NCALD: variants seen among roughly 807,000 people sequenced by gnomAD.
NCALD encodes neurocalcin-delta.
In NCALD, 10 loss-of-function variants were observed where a neutral mutation model predicts 18.6. That is an observed-to-expected ratio of 0.54 (90% CI 0.33 to 0.91). The LOEUF (loss-of-function observed/expected upper bound fraction) is 0.91. NCALD is among the 40% of genes least tolerant of loss of function. The pLI is 0.03. For missense variants in NCALD, 184 were observed against 247.6 expected (o/e 0.74, Z 1.72); for synonymous variants, 88 against 87.4 (o/e 1.01, Z -0.04).
intron 2 of NCALD, among the ~76,000 whole-genome samples, chr8:101,714,020 TC>T (rs1170343568): frequency 6.6e-6 from 1 of 152,050 alleles, no homozygotes; most frequent in African/African-American, 2.4e-5. Flanking sequence ...TTATGACAAA[TC>T]CACAGCCAAT....
chr8:101,999,319 C>G (rs1464107721), intron 2 of NCALD, among the ~76,000 whole-genome samples: 1 of 152,028 alleles, frequency 6.6e-6, no homozygotes, highest in East Asian at 1.9e-4. Context: ...TACATACATA[C>G]CATGGAATAC....
intron 1 of NCALD, among the ~76,000 whole-genome samples, chr8:102,082,008 CCTGA>C (rs1269053014): frequency 6.6e-6 from 1 of 152,108 alleles, no homozygotes. Context: ...ATTTACACTG[CCTGA>C]CTAAATTTGG....
At chr8:101,863,376 A>T (rs1586652568) in intron 4 of NCALD, among the ~76,000 whole-genome samples, 1 of 152,202 alleles carries the variant, frequency 6.6e-6, no homozygotes, top group East Asian at 1.9e-4. Flanking sequence ...CCTCTGCCAA[A>T]GTCTTGCTTT....
chr8:101,813,172 T>C (rs1813370018), intron 4 of NCALD, among the ~76,000 whole-genome samples: 1 of 152,098 alleles, frequency 6.6e-6, no homozygotes, highest in Middle Eastern at 3.2e-3. Context: ...AGATAGCTAC[T>C]GGTGCTTGTC....
At chr8:102,113,968 G>A (rs558091548) in intron 1 of NCALD, among the ~76,000 whole-genome samples, 11 of 152,378 alleles carry the variant, frequency 7.2e-5, no homozygotes, top group African/African-American at 2.6e-4. Flanking sequence ...GATCAGAGAA[G>A]AGTAGCGAGT....
chr8:101,985,980 A>T (rs1317569645), intron 2 of NCALD, among the ~76,000 whole-genome samples: 2 of 152,078 alleles, frequency 1.3e-5, no homozygotes, highest in Non-Finnish European at 2.9e-5. Context: ...ATAAATGATC[A>T]TTCCTTTTTG....
intron 2 of NCALD, among the ~76,000 whole-genome samples, chr8:101,699,474 C>A (rs1352022031): frequency 6.6e-6 from 1 of 152,166 alleles, no homozygotes; most frequent in Non-Finnish European, 1.5e-5. Flanking sequence ...ATGTTTATTG[C>A]AGTACTATCT....
intron 1 of NCALD, among the ~76,000 whole-genome samples, chr8:101,753,427 A>G (rs142076116): frequency 6.6e-6 from 1 of 152,332 alleles, no homozygotes; most frequent in African/African-American, 2.4e-5. Context: ...ACCCACAACC[A>G]TTTCTCTTCA....
intron 3 of NCALD, chr8:101,692,370 G>T: frequency 1.0e-6 from 1 of 985,362 alleles, no homozygotes; most frequent in Non-Finnish European, 1.2e-6. Context: ...CCCTTTGGCA[G>T]GCTGGAGTGA....
At chr8:101,834,610 G>C (rs1814334540) in intron 4 of NCALD, among the ~76,000 whole-genome samples, 1 of 152,220 alleles carries the variant, frequency 6.6e-6, no homozygotes, top group South Asian at 2.1e-4. Context: ...ATGTGGTAAA[G>C]GGATCTGTAC....
chr8:101,756,654 T>A (rs1243566270), intron 1 of NCALD, among the ~76,000 whole-genome samples: 1 of 152,176 alleles, frequency 6.6e-6, no homozygotes, highest in Non-Finnish European at 1.5e-5. Context: ...ATATTGGATT[T>A]CCGAAGAATT....
chr8:101,739,755 C>T (rs778528951), intron 1 of NCALD, among the ~76,000 whole-genome samples: 20 of 152,182 alleles, frequency 1.3e-4, no homozygotes, highest in Admixed American at 2.0e-4. Context: ...GGTGCACTGT[C>T]GGCTTCCCTA....
intron 2 of NCALD, among the ~76,000 whole-genome samples, chr8:101,952,997 G>A (rs768686094): frequency 4.6e-5 from 7 of 151,800 alleles, no homozygotes; most frequent in Non-Finnish European, 8.8e-5. Context: ...TCATCCCCAC[G>A]GGTTTTGAGG....
chr8:101,800,450 C>G (rs1812796598), intron 4 of NCALD, among the ~76,000 whole-genome samples: 1 of 150,310 alleles, frequency 6.7e-6, no homozygotes, highest in East Asian at 2.0e-4. Context: ...ACTTGATTCC[C>G]AAAAGAAGGA....
At chr8:102,030,878 AAAAT>A (rs71268540) in intron 1 of NCALD, among the ~76,000 whole-genome samples, 16 of 149,536 alleles carry the variant, frequency 1.1e-4, no homozygotes, top group East Asian at 7.7e-4. Context: ...TCCATCACAA[AAAAT>A]AAATAAATAA....
At chr8:102,107,902 C>T (rs1441257356) in intron 1 of NCALD, among the ~76,000 whole-genome samples, 4 of 152,178 alleles carry the variant, frequency 2.6e-5, no homozygotes, top group Admixed American at 6.5e-5. Flanking sequence ...AATGCCAAGA[C>T]GCCAGTGGTG....
At chr8:102,045,008 A>C (rs530544327) in intron 1 of NCALD, among the ~76,000 whole-genome samples, 2 of 152,308 alleles carry the variant, frequency 1.3e-5, no homozygotes, top group South Asian at 2.1e-4. Context: ...AAAAAGAATA[A>C]AGGAAATCAA....
chr8:101,688,868 C>T lies in NCALD; in HGVS notation c.*441G>A, dbSNP rs935819189. The T allele has an allele frequency of 1.4e-5, 9 of 622,822 alleles. No homozygotes were observed. The highest frequency in any genetic ancestry group is 5.5e-5 in the African/African-American group (3 of 54,750). 38.6% of individuals were successfully genotyped at this position (622,822 alleles called of 1,614,324 possible). ...ACTTGTTCTTGGGGAATCCAGCATC[C>T]GGTGCCATCCATCACCCCTACGGCA... On this transcript the variant is annotated 3_prime_UTR_variant, in exon 4 of 4. Coordinates refer to ENST00000220931, the MANE Select transcript of NCALD (RefSeq NM_032041.3).
chr8:101,837,804 T>G (rs1205441060), intron 4 of NCALD, among the ~76,000 whole-genome samples: 1 of 152,172 alleles, frequency 6.6e-6, no homozygotes, highest in Non-Finnish European at 1.5e-5. Flanking sequence ...GATGGTCTCT[T>G]GAACTGGTGA....
Sources: gnomAD v4.1 joint callset for allele counts (sites outside exome capture counted in the v4.1 genomes callset) on GRCh38, gnomAD v4.1.1 for gene constraint, MANE v1.5 for transcripts, NCBI Gene and HGNC (gene_info 2026-07-23, HGNC 2026-07-21) for gene names.